The following TTC38 variants were observed in gnomAD, a reference collection of about 807,000 sequenced individuals.
TTC38 encodes the protein tetratricopeptide repeat domain 38.
A neutral mutation model predicts 64.2 loss-of-function variants in TTC38; 64 were observed. The ratio of observed to expected loss-of-function variants is 1.00; its 90% CI spans 0.81 to 1.23. The LOEUF (loss-of-function observed/expected upper bound fraction) is 1.23, where lower values mean the gene tolerates loss of function less well. Ranked by LOEUF, TTC38 falls within the 50% of genes most tolerant of loss-of-function variation. The probability of loss-of-function intolerance (pLI) is 0.00; values close to 1 mark genes in which losing one functional copy is unlikely to be tolerated. For synonymous variants in TTC38, 254 were observed against 249.3 expected, an observed-to-expected ratio of 1.02 and a Z score of -0.18; for missense variants, 573 against 615.5, an observed-to-expected ratio of 0.93 and a Z score of 0.73.
intron 5 of TTC38, among the ~76,000 whole-genome samples, chr22:46,277,671 A>G (rs1294113299): frequency 6.6e-6 from 1 of 150,636 alleles, no homozygotes; most frequent in Non-Finnish European, 1.5e-5. Flanking sequence ...AGTGTCTTCT[A>G]GCCCATCCTG....
Position 46,291,489 on chromosome 22 carries a change from G to GC in TTC38, c.1317-1300dup, listed in dbSNP as rs1345871185. Among the ~76,000 whole-genome samples, 2 of 152,160 alleles carry GC rather than the reference G, an allele frequency of 1.3e-5. No homozygotes were observed. The highest frequency in any genetic ancestry group is 2.9e-5 in the Non-Finnish European group (2 of 68,018). On this transcript the variant is annotated intron_variant, in intron 13 of 13. Coordinates refer to ENST00000381031, the MANE Select transcript of TTC38 (RefSeq NM_017931.4). This position sits in a 1 kb window ranked among gnomAD's most constrained non-coding sequence, Gnocchi z 4.6. Reference sequence around the variant, plus strand: ...CCTGCTACCAGGCAGCATCCATGGGGCCATCAGCACAGCTCACCAGCCCCC... The same window carrying GC: ...CCTGCTACCAGGCAGCATCCATGGGGCCCATCAGCACAGCTCACCAGCCCCC...
At chr22:46,269,071 G>C in intron 2 of TTC38, 1 of 396,758 alleles carries the variant, frequency 2.5e-6, no homozygotes, top group Non-Finnish European at 5.0e-6. Context: ...GACGTGGGAG[G>C]GTGGGGACAT....
intron 9 of TTC38, 45 bp from the exon 10 acceptor site, chr22:46,287,028 A>T (rs1322890215): frequency 6.6e-7 from 1 of 1,511,742 alleles, no homozygotes; most frequent in Non-Finnish European, 9.0e-7. Flanking sequence ...CAGCCCCATC[A>T]TCTGGGCCAC....
chr22:46,272,290 G>T lies in TTC38; in HGVS notation c.112-45G>T. 1 of 1,528,458 alleles carries T rather than the reference G, an allele frequency of 6.5e-7. No individual in the cohort carries two copies. The highest frequency in any genetic ancestry group is 1.1e-5 in the South Asian group (1 of 88,972). The allele number at this position is 1,528,458 out of a possible 1,614,324, so 94.7% of individuals were successfully genotyped here. A position where few individuals can be genotyped will look rare whatever the true frequency, so the allele number is the denominator to read the frequency against. On this transcript the variant is annotated intron_variant, in intron 2 of 13. Transcript: ENST00000381031. This position sits in a 1 kb window ranked among gnomAD's most constrained non-coding sequence, Gnocchi z 6.4. ...GATTTAGAGCCACCTTTGTTAGAAT[G>T]ATCCAAGGGCTCCGTGAGGACTTGT...
rs1569021262 is a variant in TTC38, at chr22:46,281,480, C to CA, written c.616-118dup. 8.9e-7 allele frequency: 1 copy of CA among 1,120,440 alleles called. No homozygotes were observed. Among genetic ancestry groups the CA allele is most frequent in the East Asian group, 2.4e-5 (1 of 41,330 alleles). 69.4% of individuals were successfully genotyped at this position (1,120,440 alleles called of 1,614,324 possible). A position where few individuals can be genotyped will look rare whatever the true frequency, so the allele number is the denominator to read the frequency against. ...GTTTTGAGTCAGAGCCCCGCCCCCC[C>CA]ACTTGCTCCACCCCGTTCAGCCCAG... On this transcript the variant is annotated intron_variant, in intron 6 of 13. Transcript: ENST00000381031. The surrounding 1 kb of genome is among the most constrained non-coding windows in gnomAD (Gnocchi z 5.2).
chr22:46,270,261 A>T lies in TTC38; in HGVS notation c.111+1670A>T, dbSNP rs1936866432. 6.6e-6 allele frequency among the ~76,000 whole-genome samples: 1 copy of T among 152,080 alleles called. No homozygotes were observed. Among genetic ancestry groups the T allele is most frequent in the Admixed American group, 6.5e-5 (1 of 15,282 alleles). On this transcript the variant is annotated intron_variant, in intron 2 of 13. Transcript: ENST00000381031. This position sits in a 1 kb window ranked among gnomAD's most constrained non-coding sequence, Gnocchi z 4.7. ...CTGTATCTTGTCAAAATGCTTGCGT[A>T]GCTTATAGTCTCAGCTATTTGGGAG...
chr22:46,285,237 C>A lies in TTC38; in HGVS notation c.796-4C>A. 1.2e-6 allele frequency: 2 copies of A among 1,614,068 alleles called. No homozygotes were observed. ...GTTTAATAAGGAGAACTTTATTCTT[C>A]CAGGGCGAATATGAGGCCGCGCTGA... On this transcript the variant is annotated splice_region_variant and splice_polypyrimidine_tract_variant and intron_variant, in intron 8 of 13. Transcript: ENST00000381031.
intron 9 of TTC38, among the ~76,000 whole-genome samples, chr22:46,286,518 G>A (rs543358025): frequency 6.6e-6 from 1 of 152,094 alleles, no homozygotes; most frequent in Non-Finnish European, 1.5e-5. Context: ...AAAACTAGCT[G>A]CATGTGGTGG....
intron 12 of TTC38, 108 bp from the exon 13 acceptor site, chr22:46,289,718 G>A: frequency 6.9e-7 from 1 of 1,458,182 alleles, no homozygotes; most frequent in African/African-American, 1.4e-5. Context: ...TTGAGGGTGT[G>A]GCATCAACAC....
chr22:46,281,912 C>G lies in TTC38; in HGVS notation c.735+194C>G. The stretch of plus-strand genomic sequence containing the variant: ...CAAGATTCCAGTCCCCACCCCAGGC[C>G]CATACCTTGCCCTAGGGACTCCACT... On this transcript the variant is annotated intron_variant, in intron 7 of 13. Transcript: ENST00000381031. This position sits in a 1 kb window ranked among gnomAD's most constrained non-coding sequence, Gnocchi z 5.2. 1 of 737,698 alleles carries G rather than the reference C, an allele frequency of 1.4e-6. No homozygotes were observed. The highest frequency in any genetic ancestry group is 2.3e-6 in the Non-Finnish European group (1 of 426,320). The allele number at this position is 737,698 out of a possible 1,614,324, so 45.7% of individuals were successfully genotyped here.
chr22:46,289,930 G>A (rs376370949), intron 13 of TTC38, 31 bp downstream of exon 13: 7 of 1,594,824 alleles, frequency 4.4e-6, no homozygotes, highest in South Asian at 3.3e-5. Context: ...CAGCACTCCC[G>A]ACCTTCACAG....
chr22:46,290,394 C>CG, intron 13 of TTC38, among the ~76,000 whole-genome samples: 1 of 152,124 alleles, frequency 6.6e-6, no homozygotes, highest in East Asian at 1.9e-4. Context: ...CACGTAAACT[C>CG]GCACTGAGGG....
rs565674985 is a variant in TTC38 at position 46,292,595 on chromosome 22, A to T, written c.1317-196A>T. 6.6e-6 allele frequency among the ~76,000 whole-genome samples: 1 copy of T among 152,232 alleles called. No homozygotes were observed. The highest frequency in any genetic ancestry group is 2.1e-4 in the South Asian group (1 of 4,824). On this transcript the variant is annotated intron_variant, in intron 13 of 13. Coordinates refer to ENST00000381031, the MANE Select transcript of TTC38 (RefSeq NM_017931.4). This position sits in a 1 kb window ranked among gnomAD's most constrained non-coding sequence, Gnocchi z 6.5. Reference sequence around the variant, plus strand: ...CCCCATCTCGGGTGTGGCTTCCTGCACTGGAGGTCTGTGCCCTCCCATCCT... The same window carrying T: ...CCCCATCTCGGGTGTGGCTTCCTGCTCTGGAGGTCTGTGCCCTCCCATCCT...
chr22:46,272,426 G>C lies in TTC38; in HGVS notation c.193+10G>C. 6.2e-7 allele frequency: 1 copy of C among 1,609,982 alleles called. No individual in the cohort carries two copies. Among genetic ancestry groups the C allele is most frequent in the African/African-American group, 1.3e-5 (1 of 74,904 alleles). On this transcript the variant is annotated intron_variant, in intron 3 of 13. Transcript: ENST00000381031. The surrounding 1 kb of genome is among the most constrained non-coding windows in gnomAD (Gnocchi z 6.4). ...GCAGATCCAACCTTTGGTGAGTAAC[G>C]CCTTCCCTGGGTGGAGGAGCCCCGC... is the stretch of plus-strand genomic sequence containing the variant.
rs772418973 is a variant in TTC38 at position 46,270,278 on chromosome 22, A to G, written c.111+1687A>G. ...GCTTGCGTAGCTTATAGTCTCAGCT[A>G]TTTGGGAGGCTGAGGCAGGGGGATT... On this transcript the variant is annotated intron_variant, in intron 2 of 13. Transcript: ENST00000381031. The surrounding 1 kb of genome is among the most constrained non-coding windows in gnomAD (Gnocchi z 4.7). Among the ~76,000 whole-genome samples, 1 of 152,088 alleles carries G rather than the reference A, an allele frequency of 6.6e-6. No homozygotes were observed. The highest frequency in any genetic ancestry group is 2.4e-5 in the African/African-American group (1 of 41,396).
chr22:46,278,961 G>A (rs2077513990), intron 6 of TTC38, among the ~76,000 whole-genome samples: 1 of 152,250 alleles, frequency 6.6e-6, no homozygotes, highest in Non-Finnish European at 1.5e-5. Flanking sequence ...ACTTAGGGTT[G>A]CACAGAATGG....
chr22:46,285,242 G>A lies in TTC38; in HGVS notation c.797G>A (p.Gly266Asp). 1 of 1,614,128 alleles carries A rather than the reference G, an allele frequency of 6.2e-7. No individual in the cohort carries two copies. Among genetic ancestry groups the A allele is most frequent in the East Asian group, 2.2e-5 (1 of 44,892 alleles). The change falls in exon 9 of 14, where the codon GGC becomes GAC. Residue 266 changes from glycine (G) to aspartate (D), a missense_variant and splice_region_variant. Coordinates refer to ENST00000381031, the MANE Select transcript of TTC38 (RefSeq NM_017931.4). Reference protein sequence around the residue: ...WHWALYLIEKGEYEAALTIYD... With the variant: ...WHWALYLIEKDEYEAALTIYD... The stretch of plus-strand genomic sequence containing the variant: ...ATAAGGAGAACTTTATTCTTCCAGG[G>A]CGAATATGAGGCCGCGCTGACCATC...
In TTC38 at chr22:46,291,922, C is replaced by T. The variant is rs1336235709; in HGVS notation, c.1317-869C>T. Among the ~76,000 whole-genome samples the T allele has an allele frequency of 6.6e-6, 1 of 152,150 alleles. No homozygotes were observed. Among genetic ancestry groups the T allele is most frequent in the Non-Finnish European group, 1.5e-5 (1 of 68,042 alleles). On this transcript the variant is annotated intron_variant, in intron 13 of 13. Coordinates refer to ENST00000381031, the MANE Select transcript of TTC38 (RefSeq NM_017931.4). The surrounding 1 kb of genome is among the most constrained non-coding windows in gnomAD (Gnocchi z 4.6). Reference sequence around the variant, plus strand: ...AGTGAGCCGAGATCGCGTCATTGCACTCCAGCCTGAGTGACCGAGGGAGAT... The same window carrying T: ...AGTGAGCCGAGATCGCGTCATTGCATTCCAGCCTGAGTGACCGAGGGAGAT...
At position 46,274,161 on chromosome 22, in the gene TTC38, G is replaced by C; in HGVS notation, c.365+92G>C. The C allele has an allele frequency of 1.1e-6, 1 of 941,358 alleles. No individual in the cohort carries two copies. Among genetic ancestry groups the C allele is most frequent in the Non-Finnish European group, 1.6e-6 (1 of 628,756 alleles). The allele number at this position is 941,358 out of a possible 1,614,324, so 58.3% of individuals were successfully genotyped here. ...CTTTCCTGATGCCCTTGGGACGGGGGCGGGGTGGGAGAATGCTTCTCTCCC... is the reference window on the plus strand; with the variant it reads ...CTTTCCTGATGCCCTTGGGACGGGGCCGGGGTGGGAGAATGCTTCTCTCCC... On this transcript the variant is annotated intron_variant, in intron 4 of 13. Coordinates refer to ENST00000381031, the MANE Select transcript of TTC38 (RefSeq NM_017931.4). This position sits in a 1 kb window ranked among gnomAD's most constrained non-coding sequence, Gnocchi z 4.8.
Sources: allele counts gnomAD v4.1 joint callset (sites outside exome capture counted in the v4.1 genomes callset), GRCh38; gene constraint gnomAD v4.1.1; non-coding constraint Gnocchi (gnomAD v3.1); transcripts MANE v1.5; gene names NCBI Gene and HGNC (gene_info 2026-07-23, HGNC 2026-07-21).